The following CTNNA2 variants were observed in gnomAD, a reference collection of about 807,000 sequenced individuals.
CTNNA2 encodes the protein catenin alpha-2.
Under a neutral mutation model 101.0 loss-of-function variants are expected in CTNNA2, and 42 were observed. That is an observed-to-expected ratio of 0.42 (90% CI 0.32 to 0.54). CTNNA2 has a LOEUF of 0.54. CTNNA2 is among the 20% of genes least tolerant of loss of function. The probability of loss-of-function intolerance (pLI) is 0.14; values close to 1 mark genes in which losing one functional copy is unlikely to be tolerated. For missense variants in CTNNA2, 871 were observed against 1,223.1 expected (o/e 0.71, Z 4.29); for synonymous variants, 450 against 456.4 (o/e 0.99, Z 0.18).
At chr2:79,894,106 T>G (rs1684528501) in intron 6 of CTNNA2, among the ~76,000 whole-genome samples, 1 of 151,166 alleles carries the variant, frequency 6.6e-6, no homozygotes, top group South Asian at 2.1e-4. Context: ...TTTCTTCCTC[T>G]TCTTCTTTTT....
At chr2:79,261,890 T>G (rs186029770) in intron 2 of CTNNA2, among the ~76,000 whole-genome samples, 3 of 152,336 alleles carry the variant, frequency 2.0e-5, no homozygotes, top group Admixed American at 1.3e-4. Context: ...TTTCACATAC[T>G]GCCTCTGGTA....
intron 7 of CTNNA2, among the ~76,000 whole-genome samples, chr2:80,361,066 C>T (rs1674358499): frequency 6.6e-6 from 1 of 151,920 alleles, no homozygotes; most frequent in South Asian, 2.1e-4. Flanking sequence ...CCCAGCTGGC[C>T]TTCATTGCCT....
At chr2:80,458,622 A>G (rs1290279187) in intron 9 of CTNNA2, among the ~76,000 whole-genome samples, 1 of 152,158 alleles carries the variant, frequency 6.6e-6, no homozygotes, top group Non-Finnish European at 1.5e-5. Flanking sequence ...TTTGTGAAAA[A>G]TCATTTTTTT....
At chr2:80,505,978 G>A (rs1688247648) in intron 9 of CTNNA2, among the ~76,000 whole-genome samples, 1 of 152,138 alleles carries the variant, frequency 6.6e-6, no homozygotes, top group Non-Finnish European at 1.5e-5. Flanking sequence ...TTATAGTTCT[G>A]TTTAGTTTTT....
chr2:79,626,952 C>G (rs1679350147), intron 1 of CTNNA2, among the ~76,000 whole-genome samples: 1 of 152,054 alleles, frequency 6.6e-6, no homozygotes, highest in African/African-American at 2.4e-5. Flanking sequence ...ATAATTTTTG[C>G]TGAGGTCCTG....
intron 1 of CTNNA2, among the ~76,000 whole-genome samples, chr2:79,593,177 C>T (rs2103999109): frequency 6.6e-6 from 1 of 152,302 alleles, no homozygotes; most frequent in Admixed American, 6.5e-5. Flanking sequence ...TTTTCTTCCT[C>T]ATCCTGCCTG....
At chr2:79,550,037 A>G (rs1248344894) in intron 1 of CTNNA2, among the ~76,000 whole-genome samples, 1 of 152,168 alleles carries the variant, frequency 6.6e-6, no homozygotes, top group Non-Finnish European at 1.5e-5. Context: ...CTGGAACTCC[A>G]TTTATTGCCT....
intron 4 of CTNNA2, among the ~76,000 whole-genome samples, chr2:79,427,216 A>G (rs1324637561): frequency 1.3e-5 from 2 of 152,060 alleles, no homozygotes; most frequent in Non-Finnish European, 2.9e-5. Flanking sequence ...TAAAGAGAAT[A>G]ATGGTGGGTG....
At chr2:80,164,116 G>A (rs369830297) in intron 7 of CTNNA2, among the ~76,000 whole-genome samples, 110 of 151,676 alleles carry the variant, frequency 7.3e-4, no homozygotes, top group African/African-American at 2.4e-3. Flanking sequence ...TAATATATAC[G>A]TTTTAATTGG....
intron 7 of CTNNA2, among the ~76,000 whole-genome samples, chr2:80,208,315 A>C (rs1307514702): frequency 1.3e-5 from 2 of 152,202 alleles, no homozygotes; most frequent in African/African-American, 2.4e-5. Flanking sequence ...GTTATGTGCA[A>C]CTGTTAAATA....
intron 8 of CTNNA2, among the ~76,000 whole-genome samples, chr2:80,414,923 G>A (rs1679907769): frequency 6.6e-6 from 1 of 152,124 alleles, no homozygotes. Flanking sequence ...GGTCTGGATG[G>A]GGCCTTGGTT....
At chr2:80,208,597 C>G (rs1343665826) in intron 7 of CTNNA2, among the ~76,000 whole-genome samples, 1 of 152,118 alleles carries the variant, frequency 6.6e-6, no homozygotes, top group Non-Finnish European at 1.5e-5. Flanking sequence ...ATCAGGCAGG[C>G]AGAAATTCTG....
At chr2:79,729,687 C>T (rs1439354659) in intron 2 of CTNNA2, among the ~76,000 whole-genome samples, 19 of 152,172 alleles carry the variant, frequency 1.2e-4, no homozygotes. Context: ...TTTAAGTCAT[C>T]AAACATTCCC....
chr2:79,546,517 C>A (rs978769951), intron 1 of CTNNA2, among the ~76,000 whole-genome samples: 1 of 152,110 alleles, frequency 6.6e-6, no homozygotes, highest in Non-Finnish European at 1.5e-5. Flanking sequence ...CTTTATCTGG[C>A]AAATTGCTTC....
chr2:80,041,345 A>G lies in CTNNA2; in HGVS notation c.1056+131548A>G, dbSNP rs186555626. Reference sequence around the variant, plus strand: ...TTTTATAATGGAAGTGGTATGACAAAGAATATTTGCTATTCTTAACGTGTT... The same window carrying G: ...TTTTATAATGGAAGTGGTATGACAAGGAATATTTGCTATTCTTAACGTGTT... On this transcript the variant is annotated intron_variant, in intron 7 of 18. Transcript: ENST00000402739. Among the ~76,000 whole-genome samples the G allele has an allele frequency of 1.4e-4, 21 of 152,206 alleles. No individual in the cohort carries two copies. The East Asian group carries it at 3.3e-3, about 24-fold the overall frequency.
intron 3 of CTNNA2, among the ~76,000 whole-genome samples, chr2:79,352,990 C>A (rs1019099981): frequency 5.3e-5 from 8 of 152,088 alleles, no homozygotes; most frequent in Non-Finnish European, 1.5e-5. Flanking sequence ...TTTTAAACAA[C>A]CAGACCCCTT....
At chr2:80,523,622 G>A (rs149805216) in intron 9 of CTNNA2, among the ~76,000 whole-genome samples, 58 of 152,240 alleles carry the variant, frequency 3.8e-4, no homozygotes, top group African/African-American at 1.3e-3. Flanking sequence ...CAGCGAGCTC[G>A]GCTCCCCTGT....
At chr2:79,472,742 C>A (rs1289670843) in intron 4 of CTNNA2, among the ~76,000 whole-genome samples, 1 of 152,116 alleles carries the variant, frequency 6.6e-6, no homozygotes, top group East Asian at 1.9e-4. Flanking sequence ...TACAGATGGG[C>A]TGAGAATTTT....
chr2:79,622,751 C>T (rs1679074775), intron 1 of CTNNA2, among the ~76,000 whole-genome samples: 1 of 152,132 alleles, frequency 6.6e-6, no homozygotes, highest in African/African-American at 2.4e-5. Flanking sequence ...CGGACTTCTT[C>T]TTTCCCAGCC....
Sources: allele counts gnomAD v4.1 joint callset (sites outside exome capture counted in the v4.1 genomes callset), GRCh38; gene constraint gnomAD v4.1.1; transcripts MANE v1.5; gene names NCBI Gene and HGNC (gene_info 2026-07-23, HGNC 2026-07-21).